SLC1A1: variants seen among roughly 807,000 people sequenced by gnomAD.
The protein encoded by SLC1A1 is solute carrier family 1 member 1, also known as excitatory amino acid transporter 3.
In SLC1A1, 43 loss-of-function variants were observed where a neutral mutation model predicts 53.3. That is an observed-to-expected ratio of 0.81 (90% CI 0.63 to 1.04). The LOEUF is 1.04. Among genes scored for constraint, SLC1A1 ranks in the 50% least tolerant of loss-of-function variants. SLC1A1 has a pLI of 0.00. For missense variants in SLC1A1, 748 were observed against 664.9 expected (o/e 1.12, Z -1.37); for synonymous variants, 307 against 243.2 (o/e 1.26, Z -2.44).
At chr9:4,511,920 T>G (rs766745672) in intron 1 of SLC1A1, among the ~76,000 whole-genome samples, 2 of 152,246 alleles carry the variant, frequency 1.3e-5, no homozygotes, top group East Asian at 3.8e-4. Context: ...TATTTCTATA[T>G]GTTAACAATG....
intron 6 of SLC1A1, among the ~76,000 whole-genome samples, chr9:4,568,084 T>A (rs968017245): frequency 6.6e-6 from 1 of 152,178 alleles, no homozygotes; most frequent in Non-Finnish European, 1.5e-5. Context: ...TAGTGTCATA[T>A]TTTTTGCATT....
rs962477183 is a variant in SLC1A1 at position 4,566,694 on chromosome 9, A to ATTT, written c.483+606_483+608dup. 3.3e-5 allele frequency among the ~76,000 whole-genome samples: 5 copies of ATTT among 151,932 alleles called. No homozygotes were observed. The East Asian group carries it at 9.6e-4, about 29-fold the overall frequency. ...AAGACCATGTCTCTAAAAAGAAATA[A>ATTT]TTTAAAAAAAAATATAAAAAATCGT... On this transcript the variant is annotated intron_variant, in intron 5 of 11. Coordinates refer to ENST00000262352, the MANE Select transcript of SLC1A1 (RefSeq NM_004170.6).
chr9:4,511,238 G>T (rs533749705), intron 1 of SLC1A1, among the ~76,000 whole-genome samples: 2 of 152,188 alleles, frequency 1.3e-5, no homozygotes, highest in East Asian at 3.9e-4. Flanking sequence ...TATAGTTCTG[G>T]AGGCCAGGAT....
Position 4,561,271 on chromosome 9 carries a change from C to T in SLC1A1, c.233-178C>T, listed in dbSNP as rs181307138. Among the ~76,000 whole-genome samples, 179 of 152,294 alleles carry T rather than the reference C, an allele frequency of 1.2e-3. 1 individual carries two copies. Among genetic ancestry groups the T allele is most frequent in the Admixed American group, 1.7e-3 (26 of 15,300 alleles). ...GGAACTTGCACCTGACTGGGCTTCC[C>T]TCTCTTAAATCTGTTTGGAATTTTG... On this transcript the variant is annotated intron_variant, in intron 2 of 11. Coordinates refer to ENST00000262352, the MANE Select transcript of SLC1A1 (RefSeq NM_004170.6).
At chr9:4,496,911 T>C (rs940851108) in intron 1 of SLC1A1, among the ~76,000 whole-genome samples, 2 of 151,832 alleles carry the variant, frequency 1.3e-5, no homozygotes, top group Non-Finnish European at 2.9e-5. Context: ...AAAATAATAA[T>C]AATAAATGCA....
At chr9:4,509,316 G>C (rs562117152) in intron 1 of SLC1A1, among the ~76,000 whole-genome samples, 7 of 152,274 alleles carry the variant, frequency 4.6e-5, no homozygotes, top group African/African-American at 1.7e-4. Flanking sequence ...ACTCAAAAGA[G>C]TTTCACTGAG....
At chr9:4,517,402 G>A (rs1815889781) in intron 1 of SLC1A1, among the ~76,000 whole-genome samples, 1 of 152,198 alleles carries the variant, frequency 6.6e-6, no homozygotes, top group Admixed American at 6.5e-5. Context: ...TCAGTGGCAG[G>A]AGCAGCGTCC....
intron 1 of SLC1A1, among the ~76,000 whole-genome samples, chr9:4,518,656 G>A (rs2130826728): frequency 6.6e-6 from 1 of 152,268 alleles, no homozygotes; most frequent in East Asian, 1.9e-4. Context: ...TGTAGTGTCT[G>A]TAGCTTCTTT....
In SLC1A1 at chr9:4,585,406, G is replaced by A. The variant is rs1012552882; in HGVS notation, c.1423G>A (p.Val475Ile). ...LSKKELEQMD[V>I]SSEVNIVNPF... ...CAAGAAGGAGCTGGAGCAGATGGAT[G>A]TTTCATCTGAAGTCAACATTGTGAA... The change falls in exon 12 of 12, where the codon GTT (valine) becomes ATT (isoleucine). Residue 475 changes from valine to isoleucine, a missense_variant. Physicochemically the swap from Val to Ile is conservative, Grantham distance 29. Transcript: ENST00000262352. 2.5e-6 allele frequency: 4 copies of A among 1,614,158 alleles called. No homozygotes were observed. Among genetic ancestry groups the A allele is most frequent in the African/African-American group, 1.3e-5 (1 of 75,056 alleles).
At chr9:4,501,764 C>CCAAAACAAAACAAAA (rs140029812) in intron 1 of SLC1A1, among the ~76,000 whole-genome samples, 22 of 150,970 alleles carry the variant, frequency 1.5e-4, no homozygotes, top group African/African-American at 5.2e-4. Flanking sequence ...AACTCCATCT[C>CCAAAACAAAACAAAA]CAAAACAAAA....
At chr9:4,497,366 T>G (rs1378309696) in intron 1 of SLC1A1, among the ~76,000 whole-genome samples, 3 of 152,186 alleles carry the variant, frequency 2.0e-5, no homozygotes, top group Non-Finnish European at 4.4e-5. Flanking sequence ...CTGTGTGATA[T>G]TATTACCCTA....
chr9:4,561,635 TAATCTCAGA>T, intron 3 of SLC1A1, 94 bp downstream of exon 3: 1 of 824,200 alleles, frequency 1.2e-6, no homozygotes, highest in Non-Finnish European at 2.1e-6. Flanking sequence ...CTCAGGCCTG[TAATCTCAGA>T]AATCTGGGAG....
Position 4,491,990 on chromosome 9 carries a change from T to C in SLC1A1, c.91+1220T>C, listed in dbSNP as rs536149087. On this transcript the variant is annotated intron_variant, in intron 1 of 11. Transcript: ENST00000262352. ...AGTTAATGGGATTCTTGGGGTCAGA[T>C]TGGATTCTCCAGAACCTTGGGGAAA... Among the ~76,000 whole-genome samples, 16 of 152,208 alleles carry C rather than the reference T, an allele frequency of 1.1e-4. 1 individual carries two copies. Among genetic ancestry groups the C allele is most frequent in the East Asian group, 1.9e-4 (1 of 5,198 alleles).
chr9:4,497,289 G>A (rs1357410951), intron 1 of SLC1A1, among the ~76,000 whole-genome samples: 1 of 152,166 alleles, frequency 6.6e-6, no homozygotes, highest in East Asian at 1.9e-4. Context: ...CGAGGGCAGA[G>A]CCGGGATTCA....
chr9:4,544,871 G>A (rs529733105), intron 2 of SLC1A1, among the ~76,000 whole-genome samples, 164 bp downstream of exon 2: 11 of 152,296 alleles, frequency 7.2e-5, no homozygotes, highest in African/African-American at 2.2e-4. Context: ...GAAGGCAAAG[G>A]GGAAGCAAGA....
In SLC1A1 at chr9:4,572,140, G is replaced by C. The variant is rs1008989489; in HGVS notation, c.583-64G>C. ...TGGTCATTGTATCTTCTCATTTCTG[G>C]ACCTGTGCTTTCTAACAAGATTATA... is the stretch of plus-strand genomic sequence containing the variant. On this transcript the variant is annotated intron_variant, in intron 6 of 11. Transcript: ENST00000262352. The C allele has an allele frequency of 3.2e-5, 44 of 1,370,818 alleles. No homozygotes were observed. The African/African-American group carries it at 5.7e-4, about 18-fold the overall frequency. 84.9% of individuals were successfully genotyped at this position (1,370,818 alleles called of 1,614,324 possible). A position where few individuals can be genotyped will look rare whatever the true frequency, so the allele number is the denominator to read the frequency against.
Position 4,540,869 on chromosome 9 carries a change from C to T in SLC1A1, c.92-3698C>T, listed in dbSNP as rs574363865. Among the ~76,000 whole-genome samples the T allele has an allele frequency of 1.6e-3, 250 of 152,306 alleles. 1 individual carries two copies. The highest frequency in any genetic ancestry group is 5.8e-3 in the African/African-American group (240 of 41,568). On this transcript the variant is annotated intron_variant, in intron 1 of 11. Coordinates refer to ENST00000262352, the MANE Select transcript of SLC1A1 (RefSeq NM_004170.6). ...ATCAAGGCTCAGAGGTGATTAGAGG[C>T]ATTAGAAGGGACTTCTGAAGACAGC... is the stretch of plus-strand genomic sequence containing the variant.
intron 10 of SLC1A1, among the ~76,000 whole-genome samples, chr9:4,580,816 CA>C (rs1446625279): frequency 6.6e-6 from 1 of 152,030 alleles, no homozygotes; most frequent in Admixed American, 6.6e-5. Context: ...GCAGCGACAG[CA>C]GCAATAGAGG....
In SLC1A1 at chr9:4,537,595, AAAT is replaced by A. The variant is rs1249307341; in HGVS notation, c.92-6969_92-6967del. Among the ~76,000 whole-genome samples the A allele has an allele frequency of 9.4e-4, 139 of 147,562 alleles. 30 individuals carry two copies. Among genetic ancestry groups the A allele is most frequent in the Middle Eastern group, 3.5e-3 (1 of 284 alleles). ...AAATAAAATAAAATAAAATAAAATA[AAAT>A]AAAAAAAAAAAAAATCACATGCTAC... On this transcript the variant is annotated intron_variant, in intron 1 of 11. Transcript: ENST00000262352.
Sources: allele counts gnomAD v4.1 joint callset (sites outside exome capture counted in the v4.1 genomes callset), GRCh38; gene constraint gnomAD v4.1.1; transcripts MANE v1.5; gene names NCBI Gene and HGNC (gene_info 2026-07-23, HGNC 2026-07-21).